Variants in DNAH14 observed in about 807,000 individuals in gnomAD.
The protein encoded by DNAH14 is dynein axonemal heavy chain 14, also known as axonemal beta dynein heavy chain 14.
In DNAH14, 478 loss-of-function variants were observed where a neutral mutation model predicts 520.9. The ratio of observed to expected loss-of-function variants is 0.92; its 90% CI spans 0.85 to 0.99. The LOEUF is 0.99. DNAH14 is among the 50% of genes least tolerant of loss of function. The pLI is 0.00. For synonymous variants in DNAH14, 1,581 were observed against 1,757.2 expected, an observed-to-expected ratio of 0.90 and a Z score of 2.51; for missense variants, 4,831 against 5,234.5, an observed-to-expected ratio of 0.92 and a Z score of 2.38.
intron 49 of DNAH14, among the ~76,000 whole-genome samples, chr1:225,269,994 A>C (rs934746917): frequency 6.6e-6 from 1 of 152,188 alleles, no homozygotes; most frequent in Non-Finnish European, 1.5e-5. Flanking sequence ...AGGATTATAA[A>C]TCATGCTGCT....
chr1:225,156,024 C>A (rs1164993060), intron 34 of DNAH14, among the ~76,000 whole-genome samples: 1 of 152,128 alleles, frequency 6.6e-6, no homozygotes, highest in African/African-American at 2.4e-5. Flanking sequence ...CCTGTTTCCT[C>A]TTCCCGTCCC....
At chr1:225,264,943 C>T (rs928530854) in intron 47 of DNAH14, among the ~76,000 whole-genome samples, 3 of 152,070 alleles carry the variant, frequency 2.0e-5, no homozygotes. Flanking sequence ...ATGTGTCTGT[C>T]GTGCATAAAT....
rs566422193 is a variant in DNAH14 at position 224,982,453 on chromosome 1, T to A, written c.830+8300T>A. ...GTGTGAGGAAAAATACAACAACTGA[T>A]GCTCCGTGTGAGGAAAAATACAACA... On this transcript the variant is annotated intron_variant, in intron 8 of 85. Coordinates refer to ENST00000682510, the MANE Select transcript of DNAH14 (RefSeq NM_001367479.1). 1.2e-4 allele frequency among the ~76,000 whole-genome samples: 19 copies of A among 152,322 alleles called. No individual in the cohort carries two copies. The East Asian group carries it at 2.5e-3, about 20-fold the overall frequency.
At chr1:225,172,972 G>A (rs1371490813) in intron 36 of DNAH14, among the ~76,000 whole-genome samples, 2 of 152,096 alleles carry the variant, frequency 1.3e-5, no homozygotes, top group African/African-American at 4.8e-5. Context: ...CCAACTATTG[G>A]ATCTTTGACA....
intron 69 of DNAH14, among the ~76,000 whole-genome samples, chr1:225,342,447 C>T (rs943195335): frequency 2.0e-5 from 3 of 152,012 alleles, no homozygotes; most frequent in African/African-American, 7.2e-5. Flanking sequence ...TCAATCCATC[C>T]TGTTTAAAAT....
intron 66 of DNAH14, among the ~76,000 whole-genome samples, chr1:225,335,293 A>G (rs1327337030): frequency 1.4e-5 from 2 of 140,398 alleles, no homozygotes; most frequent in Non-Finnish European, 3.1e-5. Flanking sequence ...ATATGCACAT[A>G]TACACATGTG....
At chr1:224,975,204 C>G (rs1038431115) in intron 8 of DNAH14, among the ~76,000 whole-genome samples, 3 of 152,124 alleles carry the variant, frequency 2.0e-5, no homozygotes, top group African/African-American at 7.2e-5. Flanking sequence ...TGTTGTGTCT[C>G]TGCCCAGTTT....
intron 36 of DNAH14, among the ~76,000 whole-genome samples, chr1:225,181,648 C>T (rs557033932): frequency 7.0e-4 from 106 of 152,224 alleles, no homozygotes; most frequent in Admixed American, 1.8e-3. Context: ...TGTTCATCTC[C>T]TTTGCCCACT....
rs73136911 is a variant in DNAH14, at chr1:225,346,622, T to C, written c.11264T>C (p.Ile3755Thr). Residue 3755 changes from isoleucine (I) to threonine (T), a missense_variant, in exon 71 of 86, where the codon ATT (isoleucine) becomes ACT (threonine). Coordinates refer to ENST00000682510, the MANE Select transcript of DNAH14 (RefSeq NM_001367479.1). Reference sequence around the variant, plus strand: ...TTATATTCTGGCATATTGATAAATATTAAAAGTGCATTATCCCAGTCTAGA... The same window carrying C: ...TTATATTCTGGCATATTGATAAATACTAAAAGTGCATTATCCCAGTCTAGA... ...IFLYSGILIN[I>T]KSALSQSRLT... 0.01 allele frequency: 16,109 copies of C among 1,548,796 alleles called. 1,280 individuals are homozygous for C. In the African/African-American group the frequency reaches 0.18, roughly 18 times the overall value.
intron 3 of DNAH14, among the ~76,000 whole-genome samples, chr1:224,959,263 A>G (rs533315019): frequency 6.6e-6 from 1 of 152,086 alleles, no homozygotes; most frequent in East Asian, 1.9e-4. Flanking sequence ...TCTTTCTCTC[A>G]TCCCCAGCCA....
rs900334327 is a variant in DNAH14, at chr1:225,159,421, A to G, written c.5381A>G (p.Glu1794Gly). 6.5e-7 allele frequency: 1 copy of G among 1,549,848 alleles called. No individual in the cohort carries two copies. The highest frequency in any genetic ancestry group is 1.4e-5 in the African/African-American group (1 of 73,060). The change falls in exon 35 of 86, where the codon GAA becomes GGA. Residue 1794 changes from glutamate to glycine, a missense_variant. Glu to Gly is a moderately conservative substitution (Grantham distance 98, BLOSUM62 -2). Transcript: ENST00000682510. ...CCTCCTGAAGATGTCCCACTTTTTG[A>G]AAATATTATAGGAGATATTTTTCCA... ...KCPPEDVPLF[E>G]NIIGDIFPEV...
intron 43 of DNAH14, among the ~76,000 whole-genome samples, chr1:225,241,284 A>G (rs1474868125): frequency 4.6e-5 from 7 of 152,216 alleles, no homozygotes; most frequent in Admixed American, 6.5e-5. Context: ...TTGAAACAGT[A>G]AACATTTGCA....
chr1:224,933,277 G>T (rs1487384852), intron 1 of DNAH14, among the ~76,000 whole-genome samples: 1 of 152,006 alleles, frequency 6.6e-6, no homozygotes, highest in African/African-American at 2.4e-5. Flanking sequence ...CATTGATTTT[G>T]TATCCTGCAG....
intron 67 of DNAH14, 141 bp from the exon 68 acceptor site, chr1:225,337,920 T>C: frequency 2.6e-6 from 2 of 756,396 alleles, no homozygotes; most frequent in Non-Finnish European, 4.1e-6. Context: ...TGATTGACTA[T>C]AGTCACCCTG....
intron 38 of DNAH14, 105 bp from the exon 39 acceptor site, chr1:225,204,078 C>A: frequency 1.7e-6 from 1 of 571,684 alleles, no homozygotes; most frequent in Non-Finnish European, 2.9e-6. Context: ...GAACCCTCTG[C>A]CTTTTATATT....
In DNAH14 at chr1:225,047,619, G is replaced by A. The variant is rs139255142; in HGVS notation, c.1913-2591G>A. Among the ~76,000 whole-genome samples, 390 of 152,246 alleles carry A rather than the reference G, an allele frequency of 2.6e-3. 4 individuals are homozygous for A. The highest frequency in any genetic ancestry group is 0.022 in the East Asian group (113 of 5,182). On this transcript the variant is annotated intron_variant, in intron 15 of 85. Coordinates refer to ENST00000682510, the MANE Select transcript of DNAH14 (RefSeq NM_001367479.1). ...GTCACACAATGATGAAATTGCCTAA[G>A]GACACACTTCTCAGAATATATCCCT... is the stretch of plus-strand genomic sequence containing the variant.
At chr1:224,986,109 G>C (rs1263316110) in intron 8 of DNAH14, among the ~76,000 whole-genome samples, 1 of 151,592 alleles carries the variant, frequency 6.6e-6, no homozygotes, top group Non-Finnish European at 1.5e-5. Context: ...CCAGTAACAA[G>C]TAAGAAGATC....
intron 60 of DNAH14, among the ~76,000 whole-genome samples, chr1:225,312,619 A>G (rs2094391242): frequency 6.6e-6 from 1 of 152,182 alleles, no homozygotes; most frequent in African/African-American, 2.4e-5. Context: ...GATATATTCC[A>G]TCAATACCTA....
chr1:225,273,338 G>A (rs1184417303), intron 52 of DNAH14, among the ~76,000 whole-genome samples: 2 of 152,158 alleles, frequency 1.3e-5, no homozygotes, highest in African/African-American at 2.4e-5. Context: ...AGGCTGAGGC[G>A]GAGAATGGCG....
Sources: gnomAD v4.1 joint callset for allele counts (sites outside exome capture counted in the v4.1 genomes callset) on GRCh38, gnomAD v4.1.1 for gene constraint, MANE v1.5 for transcripts, NCBI Gene and HGNC (gene_info 2026-07-23, HGNC 2026-07-21) for gene names.